The following RPS6KA2 variants were observed in gnomAD, a reference collection of about 807,000 sequenced individuals.
RPS6KA2 encodes the protein ribosomal protein S6 kinase alpha-2.
In RPS6KA2, 42 loss-of-function variants were observed where a neutral mutation model predicts 91.8. The ratio of observed to expected loss-of-function variants is 0.46; its 90% CI spans 0.36 to 0.59. RPS6KA2 has a LOEUF of 0.59. RPS6KA2 is among the 20% of genes least tolerant of loss of function. The pLI is 0.00. For synonymous variants in RPS6KA2, 414 were observed against 393.6 expected, an observed-to-expected ratio of 1.05 and a Z score of -0.61; for missense variants, 798 against 978.5, an observed-to-expected ratio of 0.82 and a Z score of 2.46.
rs1788280651 is a variant in RPS6KA2, at chr6:166,665,189, A to G, written c.124-126405T>C. 6.8e-6 allele frequency among the ~76,000 whole-genome samples: 1 copy of G among 146,920 alleles called. No homozygotes were observed. Among genetic ancestry groups the G allele is most frequent in the Non-Finnish European group, 1.5e-5 (1 of 67,444 alleles). On this transcript the variant is annotated intron_variant, in intron 2 of 21. Transcript: ENST00000503859. This position sits in a 1 kb window ranked among gnomAD's most constrained non-coding sequence, Gnocchi z 4.5. ...AGAACAACATCTGCAGGGCTCACAG[A>G]CAGAGGAATGCCCCCCAAGATACTA...
At position 166,634,722 on chromosome 6, in the gene RPS6KA2, T is replaced by C. The variant is rs146314805; in HGVS notation, c.124-95938A>G. Among the ~76,000 whole-genome samples, 421 of 152,196 alleles carry C rather than the reference T, an allele frequency of 2.8e-3. 2 individuals are homozygous for C. Among genetic ancestry groups the C allele is most frequent in the African/African-American group, 9.9e-3 (410 of 41,550 alleles). On this transcript the variant is annotated intron_variant, in intron 2 of 21. Transcript: ENST00000503859. ...TCACTGCAACCTCCTCCTCCTGTGA[T>C]TGTTGAGTCGCTGGGGCTACAGGTG...
chr6:166,807,047 A>G (rs190051765), intron 2 of RPS6KA2, among the ~76,000 whole-genome samples: 42 of 152,372 alleles, frequency 2.8e-4, no homozygotes, highest in Admixed American at 8.5e-4. Context: ...TACTATAAAA[A>G]TCAACTAAAC....
At chr6:166,817,883 C>A in intron 2 of RPS6KA2, among the ~76,000 whole-genome samples, 1 of 151,972 alleles carries the variant, frequency 6.6e-6, no homozygotes, top group Non-Finnish European at 1.5e-5. Flanking sequence ...CCACCACACC[C>A]AGCTAGTTTT....
intron 2 of RPS6KA2, among the ~76,000 whole-genome samples, chr6:166,789,098 C>A (rs1467329258): frequency 6.6e-6 from 1 of 152,154 alleles, no homozygotes; most frequent in African/African-American, 2.4e-5. Context: ...TCAGGGAGTT[C>A]CCTTTCCTAG....
At chr6:166,711,594 A>T (rs1263958243) in intron 2 of RPS6KA2, among the ~76,000 whole-genome samples, 2 of 152,076 alleles carry the variant, frequency 1.3e-5, no homozygotes, top group Non-Finnish European at 2.9e-5. Context: ...GACATGAAAA[A>T]TACAAAACCA....
At position 166,445,178 on chromosome 6, in the gene RPS6KA2, A is replaced by G. The variant is rs1340568743; in HGVS notation, c.1332+3546T>C. Among the ~76,000 whole-genome samples the G allele has an allele frequency of 1.5e-5, 2 of 131,948 alleles. No individual in the cohort carries two copies. Among genetic ancestry groups the G allele is most frequent in the Admixed American group, 1.6e-4 (2 of 12,414 alleles). The allele number at this position is 131,948 out of a possible 152,430, so 86.6% of individuals were successfully genotyped here. On this transcript the variant is annotated intron_variant, in intron 14 of 20. Transcript: ENST00000265678. This position sits in a 1 kb window ranked among gnomAD's most constrained non-coding sequence, Gnocchi z 4.5. ...GTCATAGAGGTGAAGAGCTGGCCCC[A>G]CTCTCCTCTTAGAAGGACCTGCACT...
chr6:166,688,777 C>T (rs537632091), intron 2 of RPS6KA2, among the ~76,000 whole-genome samples: 1 of 152,340 alleles, frequency 6.6e-6, no homozygotes, highest in Admixed American at 6.5e-5. Flanking sequence ...AGCCTGGGAG[C>T]CCTCTTTCCA....
At chr6:166,430,329 G>A in intron 16 of RPS6KA2, 124 bp downstream of exon 16, 1 of 880,186 alleles carries the variant, frequency 1.1e-6, no homozygotes, top group South Asian at 1.7e-5. Flanking sequence ...AGAGACGATG[G>A]TGGCACGGAA....
chr6:166,703,899 C>G (rs1022345742), intron 2 of RPS6KA2, among the ~76,000 whole-genome samples: 1 of 152,170 alleles, frequency 6.6e-6, no homozygotes, highest in Admixed American at 6.5e-5. Context: ...TGAAATGGGA[C>G]TTACAATGAA....
At chr6:166,688,843 T>C (rs1379491286) in intron 2 of RPS6KA2, among the ~76,000 whole-genome samples, 1 of 152,202 alleles carries the variant, frequency 6.6e-6, no homozygotes, top group Non-Finnish European at 1.5e-5. Context: ...AGTTTCCTCA[T>C]CTGCAAAATG....
Position 166,494,886 on chromosome 6 carries a change from T to G in RPS6KA2, c.747+3622A>C, listed in dbSNP as rs1436268593. 2.0e-5 allele frequency among the ~76,000 whole-genome samples: 3 copies of G among 152,142 alleles called. No homozygotes were observed. Among genetic ancestry groups the G allele is most frequent in the African/African-American group, 7.2e-5 (3 of 41,436 alleles). ...CAGCCTTCTTTTAAAACAAGGCCCC[T>G]CACACGCACAACGGCTCTGCACCGA... On this transcript the variant is annotated intron_variant, in intron 8 of 20. Coordinates refer to ENST00000265678, the MANE Select transcript of RPS6KA2 (RefSeq NM_021135.6). This position sits in a 1 kb window ranked among gnomAD's most constrained non-coding sequence, Gnocchi z 5.1.
chr6:166,575,853 A>G (rs1268924618), intron 1 of RPS6KA2, among the ~76,000 whole-genome samples: 1 of 152,220 alleles, frequency 6.6e-6, no homozygotes, highest in Non-Finnish European at 1.5e-5. Flanking sequence ...TGAAAAAAAA[A>G]TTCCAAAGAT....
chr6:166,507,355 C>T (rs1357080703), intron 5 of RPS6KA2, among the ~76,000 whole-genome samples: 2 of 144,270 alleles, frequency 1.4e-5, no homozygotes, highest in African/African-American at 5.5e-5. Flanking sequence ...CAGCAATGCA[C>T]ACAGCACACC....
rs1340218958 is a variant in RPS6KA2 at position 166,437,855 on chromosome 6, C to A, written c.1333-5365G>T. Among the ~76,000 whole-genome samples the A allele has an allele frequency of 1.3e-5, 2 of 152,232 alleles. No individual in the cohort carries two copies. Among genetic ancestry groups the A allele is most frequent in the African/African-American group, 4.8e-5 (2 of 41,460 alleles). On this transcript the variant is annotated intron_variant, in intron 14 of 20. Coordinates refer to ENST00000265678, the MANE Select transcript of RPS6KA2 (RefSeq NM_021135.6). This position sits in a 1 kb window ranked among gnomAD's most constrained non-coding sequence, Gnocchi z 4.3. ...CCGAAGGCGGCAACAGGAGACTTCA[C>A]CGCTCTCGATACACCTTTCTGGTCT...
At chr6:166,415,528 G>C (rs1044740442) in intron 19 of RPS6KA2, among the ~76,000 whole-genome samples, 1 of 152,090 alleles carries the variant, frequency 6.6e-6, no homozygotes, top group African/African-American at 2.4e-5. Flanking sequence ...GGAAGGGTTG[G>C]TGAGGCCCTG....
At position 166,459,543 on chromosome 6, in the gene RPS6KA2, G is replaced by C. The variant is rs1478302296; in HGVS notation, c.981C>G (p.Tyr327Ter). 1 of 1,612,502 alleles carries C rather than the reference G, an allele frequency of 6.2e-7. No homozygotes were observed. The highest frequency in any genetic ancestry group is 8.5e-7 in the Non-Finnish European group (1 of 1,178,670). The change falls in exon 12 of 21, where the codon TAC becomes TAG. Residue 327 changes from tyrosine to a stop codon, truncating the protein, a stop_gained. Transcript: ENST00000265678. LOFTEE classifies it high-confidence loss of function. This position sits in a 1 kb window ranked among gnomAD's most constrained non-coding sequence, Gnocchi z 4.9. Reference protein sequence around the residue: ...FFVTIDWNTLYRKEIKPPFKP... With the variant: ...FFVTIDWNTL ...TGAACGGTGGCTTGATCTCCTTCCG[G>C]TACAGCGTCTATTAATACAAGGAAA...
In RPS6KA2 at chr6:166,656,522, C is replaced by A. The variant is rs577703481; in HGVS notation, c.124-117738G>T. ...GCCTCCTGAATGAGGAACAGCCATTCCCCTCCAGCAGGGCCTCGGCAGGTG... is the reference window on the plus strand; with the variant it reads ...GCCTCCTGAATGAGGAACAGCCATTACCCTCCAGCAGGGCCTCGGCAGGTG... On this transcript the variant is annotated intron_variant, in intron 2 of 21. Coordinates refer to the RPS6KA2 transcript ENST00000503859. 1.7e-3 allele frequency among the ~76,000 whole-genome samples: 264 copies of A among 152,364 alleles called. 4 individuals carry two copies. The highest frequency in any genetic ancestry group is 1.7e-3 in the South Asian group (8 of 4,834).
chr6:166,498,078 G>A (rs748672543), intron 8 of RPS6KA2, among the ~76,000 whole-genome samples: 1 of 141,350 alleles, frequency 7.1e-6, no homozygotes, highest in African/African-American at 2.5e-5. Flanking sequence ...CTCTGCCTGC[G>A]AAAACGCGAC....
At chr6:166,822,212 C>A (rs1779922094) in intron 2 of RPS6KA2, among the ~76,000 whole-genome samples, 2 of 152,194 alleles carry the variant, frequency 1.3e-5, no homozygotes, top group Admixed American at 6.5e-5. Context: ...TATGTCCCTG[C>A]AAACTTCCTG....
Sources: allele counts gnomAD v4.1 joint callset (sites outside exome capture counted in the v4.1 genomes callset), GRCh38; gene constraint gnomAD v4.1.1; non-coding constraint Gnocchi (gnomAD v3.1); transcripts MANE v1.5; gene names NCBI Gene and HGNC (gene_info 2026-07-23, HGNC 2026-07-21).